Variants in MFGE8 observed in about 807,000 individuals in gnomAD.
MFGE8 encodes milk fat globule EGF and factor V/VIII domain containing.
MFGE8 carries 34 observed loss-of-function variants against 42.6 expected under a neutral mutation model. The ratio of observed to expected loss-of-function variants is 0.80; its 90% CI spans 0.61 to 1.06. The LOEUF is 1.06. Among genes scored for constraint, MFGE8 ranks in the 50% least tolerant of loss-of-function variants. The pLI is 0.00. For synonymous variants in MFGE8, 230 were observed against 214.8 expected (o/e 1.07, Z -0.62); for missense variants, 510 against 516.9 (o/e 0.99, Z 0.13).
At position 88,903,987 on chromosome 15, in the gene MFGE8, A is replaced by G. The variant is rs1898551435; in HGVS notation, c.685+1770T>C. On this transcript the variant is annotated intron_variant, in intron 5 of 7. Coordinates refer to ENST00000268150, the MANE Select transcript of MFGE8 (RefSeq NM_005928.4). This position sits in a 1 kb window ranked among gnomAD's most constrained non-coding sequence, Gnocchi z 4.9. The stretch of plus-strand genomic sequence containing the variant: ...TTGCAGTGCTGTTTTTAAGTTTTTC[A>G]TGTGGCTGGCTCTCCATCATTCAGG... 6.6e-6 allele frequency: 1 copy of G among 152,120 alleles called. No homozygotes were observed. Among genetic ancestry groups the G allele is most frequent in the Admixed American group, 6.5e-5 (1 of 15,268 alleles). 9.4% of individuals were successfully genotyped at this position (152,120 alleles called of 1,614,324 possible).
rs1383242128 is a variant in MFGE8, at chr15:88,903,405, G to C, written c.686-1670C>G. The C allele has an allele frequency of 3.5e-5, 5 of 142,034 alleles. No individual in the cohort carries two copies. The highest frequency in any genetic ancestry group is 8.4e-5 in the African/African-American group (3 of 35,914). 8.8% of individuals were successfully genotyped at this position (142,034 alleles called of 1,614,324 possible). ...GAGTAATTCTCACAGATCACCTGGG[G>C]ATCTTGATATAAAAAAAAAAAGCTT... On this transcript the variant is annotated intron_variant, in intron 5 of 7. Coordinates refer to ENST00000268150, the MANE Select transcript of MFGE8 (RefSeq NM_005928.4). The surrounding 1 kb of genome is among the most constrained non-coding windows in gnomAD (Gnocchi z 4.9).
Position 88,906,755 on chromosome 15 carries a change from C to T in MFGE8, c.411G>A (p.Trp137Ter). Residue 137 changes from tryptophan (W) to a stop codon, truncating the protein, a stop_gained, in exon 4 of 8, where the codon TGG becomes TGA. Coordinates refer to ENST00000268150, the MANE Select transcript of MFGE8 (RefSeq NM_005928.4). LOFTEE classifies it high-confidence loss of function. The surrounding 1 kb of genome is among the most constrained non-coding windows in gnomAD (Gnocchi z 4.2). ...CACCCTGCGTCACCACACCTGTTAC[C>T]CACATCCTCCGCAGCAGGTTCACCT... ...WIQVNLLRRM[W>*]VTGVVTQGAS... 6.2e-7 allele frequency: 1 copy of T among 1,613,222 alleles called. No homozygotes were observed. Among genetic ancestry groups the T allele is most frequent in the Non-Finnish European group, 8.5e-7 (1 of 1,179,864 alleles).
At chr15:88,911,695 C>T (rs2141727696) in intron 1 of MFGE8, among the ~76,000 whole-genome samples, 1 of 152,044 alleles carries the variant, frequency 6.6e-6, no homozygotes, top group East Asian at 1.9e-4. Flanking sequence ...CCACTGCACT[C>T]CAGCCTGGGC....
At position 88,905,478 on chromosome 15, in the gene MFGE8, GA is replaced by G. The variant is rs1241765301; in HGVS notation, c.685+278del. 6 of 609,384 alleles carry G rather than the reference GA, an allele frequency of 9.8e-6. No individual in the cohort carries two copies. The Admixed American group carries it at 1.3e-4, about 13-fold the overall frequency. The allele number at this position is 609,384 out of a possible 1,614,324, so 37.7% of individuals were successfully genotyped here. A position where few individuals can be genotyped will look rare whatever the true frequency, so the allele number is the denominator to read the frequency against. On this transcript the variant is annotated intron_variant, in intron 5 of 7. Transcript: ENST00000268150. The surrounding 1 kb of genome is among the most constrained non-coding windows in gnomAD (Gnocchi z 6.6). ...ACGCTACATGTTCTAGAAGCTACAG[GA>G]GAGGAGCCAACCAGAAGAAGGGAAA...
chr15:88,909,025 A>AC (rs1181510485), intron 2 of MFGE8, among the ~76,000 whole-genome samples: 8 of 150,418 alleles, frequency 5.3e-5, no homozygotes, highest in African/African-American at 1.5e-4. Context: ...GAAACCTAGG[A>AC]CCCCCCGCTC....
At chr15:88,904,723 C>G (rs1326933694) in intron 5 of MFGE8, 1 of 152,242 alleles carries the variant, frequency 6.6e-6, no homozygotes, top group Non-Finnish European at 1.5e-5. Context: ...CAAGTTCATA[C>G]TAAAAACACT....
At chr15:88,901,183 T>TCA (rs747045547) in intron 6 of MFGE8, among the ~76,000 whole-genome samples, 1 of 46,528 alleles carries the variant, frequency 2.1e-5, no homozygotes, top group African/African-American at 8.2e-5. Flanking sequence ...TCTCACACAT[T>TCA]CACACACACA....
In MFGE8 at chr15:88,899,567, C is replaced by A. The variant is rs554603996; in HGVS notation, c.1027-35G>T. The stretch of plus-strand genomic sequence containing the variant: ...GAGCGGGTGTCAGGAGGACCCCGAG[C>A]CAGCCCCCCTCCCCTCAGAGCCCCA... On this transcript the variant is annotated intron_variant, in intron 7 of 7. Coordinates refer to ENST00000268150, the MANE Select transcript of MFGE8 (RefSeq NM_005928.4). The surrounding 1 kb of genome is among the most constrained non-coding windows in gnomAD (Gnocchi z 6.8). 1 of 1,614,150 alleles carries A rather than the reference C, an allele frequency of 6.2e-7. No homozygotes were observed. The highest frequency in any genetic ancestry group is 8.5e-7 in the Non-Finnish European group (1 of 1,180,030).
intron 3 of MFGE8, 145 bp downstream of exon 3, chr15:88,907,050 C>A: frequency 9.2e-7 from 1 of 1,091,480 alleles, no homozygotes; most frequent in Non-Finnish European, 1.3e-6. Context: ...GGATGCCATC[C>A]ACTTACAGAT....
In MFGE8 at chr15:88,913,305, G is replaced by A. The variant is rs1246919150; in HGVS notation, c.15C>T (p.Arg5=). 3 of 1,463,918 alleles carry A rather than the reference G, an allele frequency of 2.0e-6. No individual in the cohort carries two copies. Among genetic ancestry groups the A allele is most frequent in the Non-Finnish European group, 1.8e-6 (2 of 1,117,982 alleles). 90.7% of individuals were successfully genotyped at this position (1,463,918 alleles called of 1,614,324 possible). A position where few individuals can be genotyped will look rare whatever the true frequency, so the allele number is the denominator to read the frequency against. ...GCGCGCCGCACAGCGCGGCCAGCAG[G>A]CGGGGGCGCGGCATGCTGCGGGGAC... MPRP[R]LLAALCGALL... Residue 5 remains arginine, a synonymous_variant, in exon 1 of 8, where the codon CGC becomes CGT. Coordinates refer to ENST00000268150, the MANE Select transcript of MFGE8 (RefSeq NM_005928.4).
Position 88,905,841 on chromosome 15 carries a change from C to A in MFGE8, c.601G>T (p.Glu201Ter), listed in dbSNP as rs764039865. The A allele has an allele frequency of 6.2e-7, 1 of 1,614,226 alleles. No homozygotes were observed. Among genetic ancestry groups the A allele is most frequent in the Non-Finnish European group, 8.5e-7 (1 of 1,180,040 alleles). The change falls in exon 5 of 8, where the codon GAG (glutamate) becomes TAG (stop). Residue 201 changes from glutamate to a stop codon, truncating the protein, a stop_gained. Transcript: ENST00000268150. LOFTEE classifies it high-confidence loss of function. This position sits in a 1 kb window ranked among gnomAD's most constrained non-coding sequence, Gnocchi z 6.6. ...GGGTACAATCTCACGTACTGAGCCTCCACAGGGGTCTCAAACAGGTTGACA... is the reference window on the plus strand; with the variant it reads ...GGGTACAATCTCACGTACTGAGCCTACACAGGGGTCTCAAACAGGTTGACA... Reference protein sequence around the residue: ...VHVNLFETPVEAQYVRLYPTS... With the variant: ...VHVNLFETPV
Position 88,907,304 on chromosome 15 carries a change from A to T in MFGE8, c.278T>A (p.Val93Glu). 6.2e-7 allele frequency: 1 copy of T among 1,614,196 alleles called. No homozygotes were observed. Among genetic ancestry groups the T allele is most frequent in the Non-Finnish European group, 8.5e-7 (1 of 1,180,022 alleles). The stretch of plus-strand genomic sequence containing the variant: ...CCAATGCTGCAAACCCAAGAAGGTC[A>T]CACGCACAGACGAGGCGGCGATCTG... ...NSQIAASSVR[V>E]TFLGLQHWVP... Residue 93 changes from valine (V) to glutamate (E), a missense_variant, in exon 3 of 8, where the codon GTG (valine) becomes GAG (glutamate). By Grantham distance (121) the Val-to-Glu change is moderately radical (BLOSUM62 -2). Coordinates refer to ENST00000268150, the MANE Select transcript of MFGE8 (RefSeq NM_005928.4).
rs754279590 is a variant in MFGE8, at chr15:88,905,771, C to A, written c.671G>T (p.Gly224Val). 7 of 1,614,180 alleles carry A rather than the reference C, an allele frequency of 4.3e-6. No homozygotes were observed. The highest frequency in any genetic ancestry group is 5.9e-6 in the Non-Finnish European group (7 of 1,180,038). ...CCAGCACTCACCGTTCAGCTCACAG[C>A]CCAGTAGCTCAAAGCGCAGAGTGCA... is the stretch of plus-strand genomic sequence containing the variant. ...TACTLRFELL[G>V]CELNGCANPL... The change falls in exon 5 of 8, where the codon GGC becomes GTC. Residue 224 changes from glycine to valine, a missense_variant. Coordinates refer to ENST00000268150, the MANE Select transcript of MFGE8 (RefSeq NM_005928.4). This position sits in a 1 kb window ranked among gnomAD's most constrained non-coding sequence, Gnocchi z 6.6.
At chr15:88,912,163 A>G (rs1358357604) in intron 1 of MFGE8, 1 of 1,289,728 alleles carries the variant, frequency 7.8e-7, no homozygotes, top group East Asian at 5.5e-5. Flanking sequence ...CCTTCTGGAA[A>G]AGGCCACATC....
In MFGE8 at chr15:88,912,287, A is replaced by T. The variant is rs79279956; in HGVS notation, c.73+960T>A. 2,892 of 1,287,032 alleles carry T rather than the reference A, an allele frequency of 2.2e-3. 58 individuals are homozygous for T. The African/African-American group carries it at 0.039, about 17-fold the overall frequency. 79.7% of individuals were successfully genotyped at this position (1,287,032 alleles called of 1,614,324 possible). A position where few individuals can be genotyped will look rare whatever the true frequency, so the allele number is the denominator to read the frequency against. On this transcript the variant is annotated intron_variant, in intron 1 of 7. Transcript: ENST00000268150. ...TACAGGGAAGAGTAGAAAGGGGCTA[A>T]GAAGATCCAGCTGTCTTTCATGGTG...
In MFGE8 at chr15:88,901,726, T is replaced by A. The variant is rs781591871; in HGVS notation, c.695A>T (p.Asn232Ile). 6.2e-7 allele frequency: 1 copy of A among 1,613,892 alleles called. No individual in the cohort carries two copies. The highest frequency in any genetic ancestry group is 1.3e-5 in the African/African-American group (1 of 74,918). Residue 232 changes from asparagine (N) to isoleucine (I), a missense_variant, in exon 6 of 8, where the codon AAT becomes ATT. Asn to Ile is a moderately radical substitution (Grantham distance 149). Coordinates refer to ENST00000268150, the MANE Select transcript of MFGE8 (RefSeq NM_005928.4). ...LLGCELNGCANPLGLKNNSIP... is the reference protein window; with the variant it reads ...LLGCELNGCAIPLGLKNNSIP... ...GCTGTTATTCTTCAGGCCCAGGGGA[T>A]TGGCGCATCCTGCCAGCAAGGTGGG...
In MFGE8 at chr15:88,903,730, T is replaced by G. The variant is rs1273035670; in HGVS notation, c.686-1995A>C. On this transcript the variant is annotated intron_variant, in intron 5 of 7. Coordinates refer to ENST00000268150, the MANE Select transcript of MFGE8 (RefSeq NM_005928.4). This position sits in a 1 kb window ranked among gnomAD's most constrained non-coding sequence, Gnocchi z 4.9. ...GTCTTGATCTCCTGACCTCAGGTGA[T>G]CCGCTCGCCTCGGCCTCCCAAAGTG... 1.3e-5 allele frequency: 2 copies of G among 152,392 alleles called. No homozygotes were observed. The highest frequency in any genetic ancestry group is 2.9e-5 in the Non-Finnish European group (2 of 68,080). The allele number at this position is 152,392 out of a possible 1,614,324, so 9.4% of individuals were successfully genotyped here. A position where few individuals can be genotyped will look rare whatever the true frequency, so the allele number is the denominator to read the frequency against.
chr15:88,908,088 C>T (rs749719749), intron 2 of MFGE8, among the ~76,000 whole-genome samples: 38 of 152,160 alleles, frequency 2.5e-4, no homozygotes, highest in Non-Finnish European at 4.9e-4. Context: ...ATGCCCGTGG[C>T]CAAGGCCCCA....
chr15:88,901,517 A>AAACCCAAAAAGCGGAAC, intron 6 of MFGE8, 34 bp downstream of exon 6: 1 of 1,072,616 alleles, frequency 9.3e-7, no homozygotes, highest in Non-Finnish European at 1.4e-6. Flanking sequence ...ATCCCACCCA[A>AAACCCAAAAAGCGGAAC]CCCCAGCCCC....
Sources: gnomAD v4.1 joint callset for allele counts (sites outside exome capture counted in the v4.1 genomes callset) on GRCh38, gnomAD v4.1.1 for gene constraint, Gnocchi (gnomAD v3.1) non-coding constraint, MANE v1.5 for transcripts, NCBI Gene and HGNC (gene_info 2026-07-23, HGNC 2026-07-21) for gene names.